ANKS1B: variants seen among roughly 807,000 people sequenced by gnomAD.
ANKS1B encodes the protein ankyrin repeat and sterile alpha motif domain-containing protein 1B.
In ANKS1B, 36 loss-of-function variants were observed where a neutral mutation model predicts 148.3. The ratio of observed to expected loss-of-function variants is 0.24; its 90% CI spans 0.19 to 0.32. The LOEUF is 0.32. ANKS1B is among the 10% of genes least tolerant of loss of function. The pLI, the probability that ANKS1B is intolerant of heterozygous loss-of-function variation, is 1.00. For missense variants in ANKS1B, 1,157 were observed against 1,542.6 expected (o/e 0.75, Z 4.19); for synonymous variants, 542 against 560.8 (o/e 0.97, Z 0.47).
At chr12:99,192,828 A>C (rs1179674506) in intron 14 of ANKS1B, among the ~76,000 whole-genome samples, 5 of 152,112 alleles carry the variant, frequency 3.3e-5, no homozygotes, top group African/African-American at 1.2e-4. Context: ...ACCATTAAGA[A>C]GATTATCTCT....
intron 14 of ANKS1B, among the ~76,000 whole-genome samples, chr12:99,207,444 G>C (rs1482130061): frequency 3.3e-5 from 5 of 151,970 alleles, no homozygotes; most frequent in Admixed American, 6.6e-5. Flanking sequence ...CTGAACATAA[G>C]CTTAAAATGT....
chr12:99,617,264 C>T (rs1372419715), intron 9 of ANKS1B, among the ~76,000 whole-genome samples: 1 of 152,134 alleles, frequency 6.6e-6, no homozygotes, highest in Non-Finnish European at 1.5e-5. Context: ...ACCAGAAATA[C>T]CATTTGAGCC....
chr12:99,413,468 T>A (rs1425592520), intron 11 of ANKS1B, among the ~76,000 whole-genome samples: 1 of 152,198 alleles, frequency 6.6e-6, no homozygotes, highest in East Asian at 1.9e-4. Flanking sequence ...CGCACAATTT[T>A]CCTACTCTTC....
chr12:99,856,964 G>A (rs1430994602), intron 1 of ANKS1B, among the ~76,000 whole-genome samples: 1 of 152,104 alleles, frequency 6.6e-6, no homozygotes, highest in African/African-American at 2.4e-5. Context: ...TTACTGCTAA[G>A]AACTGGAACA....
chr12:99,233,716 G>A (rs146999117), intron 14 of ANKS1B, among the ~76,000 whole-genome samples: 6 of 152,166 alleles, frequency 3.9e-5, no homozygotes, highest in African/African-American at 9.6e-5. Context: ...GACAGTTGAC[G>A]TTGCTAGATA....
At chr12:99,830,209 C>T (rs2083750904) in intron 1 of ANKS1B, among the ~76,000 whole-genome samples, 1 of 152,156 alleles carries the variant, frequency 6.6e-6, no homozygotes, top group Non-Finnish European at 1.5e-5. Context: ...CTCCAAAGAG[C>T]TGACAATCTA....
chr12:99,956,925 G>A (rs1239009261), intron 1 of ANKS1B, among the ~76,000 whole-genome samples: 1 of 152,148 alleles, frequency 6.6e-6, no homozygotes, highest in African/African-American at 2.4e-5. Flanking sequence ...CCATCATAAT[G>A]ATTTATTCAT....
At chr12:99,477,599 T>A (rs1413962560) in intron 10 of ANKS1B, among the ~76,000 whole-genome samples, 6 of 152,190 alleles carry the variant, frequency 3.9e-5, no homozygotes, top group Admixed American at 3.9e-4. Flanking sequence ...GATAATATCA[T>A]GTTTGTGGGA....
intron 17 of ANKS1B, among the ~76,000 whole-genome samples, chr12:98,924,545 T>C (rs1285180369): frequency 1.3e-5 from 2 of 152,152 alleles, no homozygotes; most frequent in Non-Finnish European, 2.9e-5. Flanking sequence ...TCTTTTTTGT[T>C]TTTTTGCCCA....
intron 1 of ANKS1B, among the ~76,000 whole-genome samples, chr12:99,885,736 T>C (rs2092793332): frequency 6.6e-6 from 1 of 152,184 alleles, no homozygotes; most frequent in Non-Finnish European, 1.5e-5. Flanking sequence ...TGTAGTTTTT[T>C]TATCCCTTAC....
At chr12:99,829,511 C>T (rs1320538505) in intron 1 of ANKS1B, among the ~76,000 whole-genome samples, 1 of 152,076 alleles carries the variant, frequency 6.6e-6, no homozygotes, top group East Asian at 1.9e-4. Flanking sequence ...ATTAGCCAGG[C>T]ATGGTAGCGG....
chr12:98,747,561 C>T (rs1010465527), intron 26 of ANKS1B, among the ~76,000 whole-genome samples: 13 of 152,148 alleles, frequency 8.5e-5, no homozygotes, highest in African/African-American at 3.1e-4. Flanking sequence ...CCTCAAAAAA[C>T]TAAAAATTGA....
intron 15 of ANKS1B, among the ~76,000 whole-genome samples, chr12:99,129,394 G>A (rs181939108): frequency 1.3e-5 from 2 of 152,312 alleles, no homozygotes; most frequent in South Asian, 4.1e-4. Context: ...CAAGACTGAG[G>A]CTCAGGAATG....
chr12:99,627,140 T>C (rs1007634903), intron 9 of ANKS1B, among the ~76,000 whole-genome samples: 10 of 152,190 alleles, frequency 6.6e-5, no homozygotes, highest in African/African-American at 1.9e-4. Context: ...GAAATAAATA[T>C]AGCTATATTT....
intron 10 of ANKS1B, among the ~76,000 whole-genome samples, chr12:99,502,087 T>C (rs955899298): frequency 2.6e-5 from 4 of 152,120 alleles, no homozygotes; most frequent in Non-Finnish European, 4.4e-5. Context: ...ACTCAATTAG[T>C]TTTTGACTAC....
At chr12:99,079,000 A>G (rs1017495391) in intron 16 of ANKS1B, among the ~76,000 whole-genome samples, 3 of 152,154 alleles carry the variant, frequency 2.0e-5, no homozygotes, top group African/African-American at 4.8e-5. Flanking sequence ...GTGACAAGGA[A>G]CTAAGGGAGG....
At chr12:99,168,679 C>A (rs1030683385) in intron 14 of ANKS1B, among the ~76,000 whole-genome samples, 3 of 152,128 alleles carry the variant, frequency 2.0e-5, no homozygotes, top group Admixed American at 2.0e-4. Flanking sequence ...ACAAGCCATT[C>A]CAGCATCTAG....
intron 9 of ANKS1B, among the ~76,000 whole-genome samples, chr12:99,611,582 G>A (rs1042529314): frequency 4.6e-5 from 7 of 152,010 alleles, no homozygotes; most frequent in African/African-American, 1.7e-4. Flanking sequence ...AGGGCTTCGG[G>A]GCGTTTCAGC....
intron 10 of ANKS1B, among the ~76,000 whole-genome samples, chr12:99,470,198 C>T (rs2096217296): frequency 6.6e-6 from 1 of 151,862 alleles, no homozygotes; most frequent in African/African-American, 2.4e-5. Context: ...GACATGCACT[C>T]ATTATCCACA....
Sources: allele counts gnomAD v4.1 joint callset (sites outside exome capture counted in the v4.1 genomes callset), GRCh38; gene constraint gnomAD v4.1.1; transcripts MANE v1.5; gene names NCBI Gene and HGNC (gene_info 2026-07-23, HGNC 2026-07-21).